Variants in ZNF106 observed in about 807,000 individuals in gnomAD.
ZNF106 encodes the protein zinc finger protein 106, also known as SH3-domain binding protein 3.
In ZNF106, 67 loss-of-function variants were observed where a neutral mutation model predicts 195.1. That is an observed-to-expected ratio of 0.34 (90% confidence interval 0.28 to 0.42). ZNF106 has a LOEUF of 0.42. ZNF106 is among the 10% of genes least tolerant of loss of function. The pLI, the probability that ZNF106 is intolerant of heterozygous loss-of-function variation, is 1.00. For missense variants in ZNF106, 2,118 were observed against 2,304.5 expected (o/e 0.92, Z 1.66); for synonymous variants, 784 against 818.6 (o/e 0.96, Z 0.72).
intron 4 of ZNF106, among the ~76,000 whole-genome samples, chr15:42,455,698 A>C (rs2056202962): frequency 6.6e-6 from 1 of 152,214 alleles, no homozygotes. Flanking sequence ...AACTTTTAAC[A>C]TATAGAGTAA....
chr15:42,488,331 T>C (rs901195588), intron 1 of ZNF106, among the ~76,000 whole-genome samples: 5 of 152,212 alleles, frequency 3.3e-5, no homozygotes, highest in East Asian at 1.9e-4. Flanking sequence ...TATTAGCACA[T>C]ATAGAGCTGG....
At chr15:42,445,531 G>A (rs888864619) in intron 7 of ZNF106, among the ~76,000 whole-genome samples, 7 of 152,160 alleles carry the variant, frequency 4.6e-5, no homozygotes, top group Admixed American at 2.6e-4. Context: ...GTGTTTGTCT[G>A]TTTCCTATTC....
chr15:42,455,741 C>T (rs1367215364), intron 4 of ZNF106, among the ~76,000 whole-genome samples: 12 of 152,054 alleles, frequency 7.9e-5, no homozygotes. Flanking sequence ...AAGCCTCTGA[C>T]TAAAAAGGAG....
At chr15:42,418,068 C>G in intron 20 of ZNF106, 117 bp from the exon 21 acceptor site, 1 of 1,099,628 alleles carries the variant, frequency 9.1e-7, no homozygotes, top group South Asian at 2.3e-5. Context: ...CCCCTTATTT[C>G]AAATTTATTC....
rs550695494 is a variant in ZNF106, at chr15:42,457,104, T to C, written c.171A>G (p.Ala57=). The change falls in exon 4 of 22, where the codon GCA becomes GCG. Residue 57 remains alanine, a synonymous_variant. Transcript: ENST00000564754. ...ACTGGCCAGAAATGTGCTTTGCATA[T>C]GCAGAAAGACCCACTTCTGTGACCC... ...VCGVTEVGLS[A]YAKHISGQLH... is the part of the protein sequence containing the mutation. 13 of 1,614,040 alleles carry C rather than the reference T, an allele frequency of 8.1e-6. No homozygotes were observed. The highest frequency in any genetic ancestry group is 9.3e-6 in the Non-Finnish European group (11 of 1,179,988).
At chr15:42,468,115 G>A (rs959159988) in intron 2 of ZNF106, among the ~76,000 whole-genome samples, 2 of 123,056 alleles carry the variant, frequency 1.6e-5, no homozygotes, top group East Asian at 2.4e-4. Context: ...TCGCTCTATC[G>A]CCCAGCCTGG....
Position 42,451,578 on chromosome 15 carries a change from C to T in ZNF106, c.694G>A (p.Gly232Arg). ...TGRNSSWLSE[G>R]TGGFSSWHMN... is the part of the protein sequence containing the mutation. ...TGCCAACTGGAAAAGCCACCTGTTC[C>T]TTCAGAAAGCCAACTGGAATTCCTT... Residue 232 changes from glycine (G) to arginine (R), a missense_variant, in exon 5 of 22, where the codon GGA becomes AGA. By Grantham distance (125) the Gly-to-Arg change is moderately radical. Transcript: ENST00000564754. 6.2e-7 allele frequency: 1 copy of T among 1,614,156 alleles called. No homozygotes were observed. The highest frequency in any genetic ancestry group is 8.5e-7 in the Non-Finnish European group (1 of 1,180,030).
chr15:42,448,940 T>C (rs566010390), intron 5 of ZNF106, among the ~76,000 whole-genome samples: 2 of 152,114 alleles, frequency 1.3e-5, no homozygotes, highest in South Asian at 2.1e-4. Flanking sequence ...GGAGTAAAAA[T>C]TGAGTTTTGT....
chr15:42,440,386 G>C (rs980348895), intron 10 of ZNF106, among the ~76,000 whole-genome samples: 6 of 152,058 alleles, frequency 3.9e-5, no homozygotes, highest in African/African-American at 1.4e-4. Context: ...ATTCAAAAAA[G>C]ATTCACCACA....
At chr15:42,485,679 G>C (rs1232440471) in intron 1 of ZNF106, among the ~76,000 whole-genome samples, 24 of 152,170 alleles carry the variant, frequency 1.6e-4, no homozygotes, top group Non-Finnish European at 7.4e-5. Context: ...CTGACCACCT[G>C]AACACTGAAC....
chr15:42,444,819 G>A lies in ZNF106; in HGVS notation c.3360+8C>T. The stretch of plus-strand genomic sequence containing the variant: ...TCCATTTTTATTAAATCCTCCACAT[G>A]CTGTTACCTGCTGCTTGAGCATAAG... On this transcript the variant is annotated splice_region_variant and intron_variant, in intron 8 of 21. Coordinates refer to ENST00000564754, the MANE Select transcript of ZNF106 (RefSeq NM_001366845.3). 1.2e-6 allele frequency: 2 copies of A among 1,612,980 alleles called. No individual in the cohort carries two copies. Among genetic ancestry groups the A allele is most frequent in the East Asian group, 4.5e-5 (2 of 44,864 alleles).
intron 13 of ZNF106, 26 bp downstream of exon 13, chr15:42,437,206 A>C (rs748192426): frequency 6.3e-6 from 10 of 1,584,368 alleles, no homozygotes; most frequent in Non-Finnish European, 8.6e-6. Context: ...GCAACCAAAA[A>C]CATTCTACAT....
intron 1 of ZNF106, among the ~76,000 whole-genome samples, chr15:42,483,300 T>C (rs2056943736): frequency 1.3e-5 from 2 of 152,216 alleles, no homozygotes; most frequent in Non-Finnish European, 2.9e-5. Context: ...AGGACTCTCA[T>C]GTTTGCACTT....
At chr15:42,435,096 C>G (rs537250883) in intron 14 of ZNF106, among the ~76,000 whole-genome samples, 1 of 152,186 alleles carries the variant, frequency 6.6e-6, no homozygotes, top group East Asian at 1.9e-4. Flanking sequence ...TTTATTCTAT[C>G]TAGGATTAGT....
intron 3 of ZNF106, among the ~76,000 whole-genome samples, chr15:42,463,172 T>C (rs948288188): frequency 1.3e-5 from 2 of 152,112 alleles, no homozygotes; most frequent in African/African-American, 4.8e-5. Flanking sequence ...TTGAATGCAA[T>C]GGGCTTCTCT....
At chr15:42,464,265 G>A (rs1441390779) in intron 3 of ZNF106, among the ~76,000 whole-genome samples, 6 of 148,352 alleles carry the variant, frequency 4.0e-5, no homozygotes, top group African/African-American at 9.7e-5. Context: ...GCTTGAACCC[G>A]GGAGGCGGAG....
In ZNF106 at chr15:42,421,995, CAG is replaced by C; in HGVS notation, c.5374-9_5374-8del. 6.5e-7 allele frequency: 1 copy of C among 1,538,250 alleles called. No individual in the cohort carries two copies. On this transcript the variant is annotated splice_polypyrimidine_tract_variant and splice_region_variant and intron_variant, in intron 18 of 21. Coordinates refer to ENST00000564754, the MANE Select transcript of ZNF106 (RefSeq NM_001366845.3). ...CTTGTAATCGATCATGAGACTTAGG[CAG>C]AAAAAAAAAAAGAGAATTGAAGTTA...
chr15:42,423,204 C>CAA (rs966176965), intron 17 of ZNF106, among the ~76,000 whole-genome samples: 1 of 151,750 alleles, frequency 6.6e-6, no homozygotes, highest in Non-Finnish European at 1.5e-5. Context: ...TCCATCTCTA[C>CAA]AAAAAATATA....
chr15:42,437,418 G>C, intron 12 of ZNF106, 41 bp from the exon 13 acceptor site: 1 of 1,599,418 alleles, frequency 6.3e-7, no homozygotes. Flanking sequence ...GTCTGCTAGA[G>C]TCTGAAAAGA....
Sources: gnomAD v4.1 joint callset for allele counts (sites outside exome capture counted in the v4.1 genomes callset) on GRCh38, gnomAD v4.1.1 for gene constraint, MANE v1.5 for transcripts, NCBI Gene and HGNC (gene_info 2026-07-23, HGNC 2026-07-21) for gene names.